The following FCHO2 variants were observed in gnomAD, a reference collection of about 807,000 sequenced individuals.
FCHO2 encodes the protein F-BAR domain only protein 2.
A neutral mutation model predicts 114.1 loss-of-function variants in FCHO2; 43 were observed. That is an observed-to-expected ratio of 0.38 (90% CI 0.30 to 0.49). The LOEUF is 0.49. FCHO2 is among the 20% of genes least tolerant of loss of function. FCHO2 has a pLI of 0.97. For synonymous variants in FCHO2, 293 were observed against 315.2 expected, an observed-to-expected ratio of 0.93 and a Z score of 0.75; for missense variants, 807 against 950.4, an observed-to-expected ratio of 0.85 and a Z score of 1.98.
chr5:72,994,259 G>T (rs1753961937), intron 5 of FCHO2, among the ~76,000 whole-genome samples: 1 of 152,142 alleles, frequency 6.6e-6, no homozygotes, highest in African/African-American at 2.4e-5. Flanking sequence ...CTGACATCCA[G>T]CATCTATAAG....
intron 2 of FCHO2, 96 bp from the exon 3 acceptor site, chr5:72,989,331 A>T: frequency 1.2e-6 from 1 of 823,696 alleles, no homozygotes; most frequent in Non-Finnish European, 1.9e-6. Flanking sequence ...TTTTTGAGGT[A>T]TCTTTTTGTT....
At chr5:73,069,733 T>C (rs1742543598) in intron 19 of FCHO2, among the ~76,000 whole-genome samples, 1 of 152,092 alleles carries the variant, frequency 6.6e-6, no homozygotes, top group African/African-American at 2.4e-5. Context: ...GAAGCATAGC[T>C]ATATGAACCT....
chr5:73,017,121 A>T, intron 7 of FCHO2, 91 bp from the exon 8 acceptor site: 1 of 730,826 alleles, frequency 1.4e-6, no homozygotes, highest in Non-Finnish European at 2.1e-6. Context: ...ATATTTTGAT[A>T]TAATTAATTT....
intron 19 of FCHO2, 83 bp from the exon 20 acceptor site, chr5:73,074,659 G>A (rs999980844): frequency 7.7e-7 from 1 of 1,291,932 alleles, no homozygotes; most frequent in East Asian, 2.5e-5. Context: ...GTTTGTGACA[G>A]CCTAACAATG....
At chr5:73,023,509 C>T (rs2112765403) in intron 8 of FCHO2, among the ~76,000 whole-genome samples, 1 of 152,168 alleles carries the variant, frequency 6.6e-6, no homozygotes, top group East Asian at 1.9e-4. Context: ...CAAGACCAGC[C>T]TGACCAACAT....
rs1315886572 is a variant in FCHO2, at chr5:73,037,263, TTAAGAA to T, written c.914+54_914+59del. On this transcript the variant is annotated intron_variant, in intron 10 of 25. Coordinates refer to ENST00000430046, the MANE Select transcript of FCHO2 (RefSeq NM_138782.3). ...AAATCCTTTTTGTTTTTATAAGTGATTAAGAATAAGACTTTTGAATTTGGAAAGAAA... is the reference window on the plus strand; with the variant it reads ...AAATCCTTTTTGTTTTTATAAGTGATTAAGACTTTTGAATTTGGAAAGAAA... The T allele has an allele frequency of 5.1e-6, 7 of 1,385,440 alleles. No homozygotes were observed. In the African/African-American group the frequency reaches 7.4e-5, roughly 15 times the overall value. The allele number at this position is 1,385,440 out of a possible 1,614,324, so 85.8% of individuals were successfully genotyped here.
intron 5 of FCHO2, among the ~76,000 whole-genome samples, chr5:73,001,866 G>T (rs1323772515): frequency 6.7e-6 from 1 of 150,178 alleles, no homozygotes; most frequent in Non-Finnish European, 1.5e-5. Context: ...GTAGTTTGAG[G>T]CTACACTCTA....
chr5:73,059,686 G>A (rs1432289808), intron 17 of FCHO2, among the ~76,000 whole-genome samples: 1 of 152,064 alleles, frequency 6.6e-6, no homozygotes, highest in African/African-American at 2.4e-5. Flanking sequence ...TGAAGGGAAG[G>A]TAATCTGTAC....
Position 72,997,616 on chromosome 5 carries a change from C to T in FCHO2, c.495+6752C>T, listed in dbSNP as rs541514353. The T allele has an allele frequency of 4.5e-4, 638 of 1,423,582 alleles. 7 individuals carry two copies. Among genetic ancestry groups the T allele is most frequent in the South Asian group, 4.1e-3 (355 of 87,276 alleles). The allele number at this position is 1,423,582 out of a possible 1,614,324, so 88.2% of individuals were successfully genotyped here. A position where few individuals can be genotyped will look rare whatever the true frequency, so the allele number is the denominator to read the frequency against. The stretch of plus-strand genomic sequence containing the variant: ...CGCTGATGTTCGTTCCGTGCTGAGC[C>T]GCAACCTTCACCAGTATAGGTTCTG... On this transcript the variant is annotated intron_variant, in intron 5 of 25. Coordinates refer to ENST00000430046, the MANE Select transcript of FCHO2 (RefSeq NM_138782.3).
At chr5:73,054,711 A>G (rs560586649) in intron 15 of FCHO2, among the ~76,000 whole-genome samples, 162 bp downstream of exon 15, 6 of 152,296 alleles carry the variant, frequency 3.9e-5, no homozygotes, top group East Asian at 3.9e-4. Context: ...CAGCGTATCT[A>G]TATTATTTCC....
At chr5:73,024,495 A>G (rs1755810032) in intron 8 of FCHO2, among the ~76,000 whole-genome samples, 1 of 151,254 alleles carries the variant, frequency 6.6e-6, no homozygotes, top group African/African-American at 2.4e-5. Context: ...GCTGGAGTGC[A>G]GTGGCATGGT....
chr5:73,066,322 C>T (rs917184764), intron 18 of FCHO2, among the ~76,000 whole-genome samples: 7 of 151,826 alleles, frequency 4.6e-5, no homozygotes, highest in African/African-American at 1.7e-4. Flanking sequence ...ACACCGTTGT[C>T]AGAATTAAAT....
At chr5:73,010,824 C>T (rs780319209) in intron 6 of FCHO2, among the ~76,000 whole-genome samples, 19 of 136,016 alleles carry the variant, frequency 1.4e-4, no homozygotes, top group Non-Finnish European at 2.9e-4. Flanking sequence ...TGTGGTGAGC[C>T]GAGATTGTGC....
At chr5:72,981,478 T>C (rs1031845649) in intron 2 of FCHO2, among the ~76,000 whole-genome samples, 3 of 152,242 alleles carry the variant, frequency 2.0e-5, no homozygotes, top group Non-Finnish European at 2.9e-5. Flanking sequence ...TTCCTGAATT[T>C]GAATGTTGGC....
chr5:73,071,450 C>T (rs1050674208), intron 19 of FCHO2, among the ~76,000 whole-genome samples: 15 of 151,838 alleles, frequency 9.9e-5, no homozygotes, highest in African/African-American at 2.9e-4. Context: ...TATTTCTGAG[C>T]GGAAAGGAAT....
At chr5:73,032,168 T>C (rs1756271270) in intron 8 of FCHO2, among the ~76,000 whole-genome samples, 1 of 152,200 alleles carries the variant, frequency 6.6e-6, no homozygotes, top group East Asian at 1.9e-4. Context: ...AGCCTTGCCA[T>C]GTGAAGCGGC....
chr5:73,001,988 GATAA>G (rs897320813), intron 5 of FCHO2, among the ~76,000 whole-genome samples: 5 of 151,518 alleles, frequency 3.3e-5, no homozygotes, highest in South Asian at 4.2e-4. Context: ...TTTCAAATAA[GATAA>G]ATAAAATTTT....
intron 2 of FCHO2, among the ~76,000 whole-genome samples, chr5:72,970,804 C>G (rs940769417): frequency 3.3e-5 from 5 of 152,106 alleles, no homozygotes; most frequent in African/African-American, 1.2e-4. Flanking sequence ...CACCCACTAA[C>G]TCGTCATCTA....
At chr5:73,070,715 A>C (rs770834320) in intron 19 of FCHO2, among the ~76,000 whole-genome samples, 2 of 152,030 alleles carry the variant, frequency 1.3e-5, no homozygotes, top group Non-Finnish European at 2.9e-5. Context: ...TGACAGTGAT[A>C]ATACAGGCAA....
Sources: gnomAD v4.1 joint callset for allele counts (sites outside exome capture counted in the v4.1 genomes callset) on GRCh38, gnomAD v4.1.1 for gene constraint, MANE v1.5 for transcripts, NCBI Gene and HGNC (gene_info 2026-07-23, HGNC 2026-07-21) for gene names.